The following ZNF836 variants were observed in gnomAD, a reference collection of about 807,000 sequenced individuals.
ZNF836 encodes zinc finger protein 836.
Under a neutral mutation model 7.4 loss-of-function variants are expected in ZNF836, and 12 were observed. That is an observed-to-expected ratio of 1.61 (90% CI 1.03 to 2.61). The LOEUF (loss-of-function observed/expected upper bound fraction) is 2.61, where lower values mean the gene tolerates loss of function less well. ZNF836 is among the 30% of genes most tolerant of loss of function. The probability of loss-of-function intolerance (pLI) is 0.00; values close to 1 mark genes in which losing one functional copy is unlikely to be tolerated. For synonymous variants in ZNF836, 365 were observed against 382.6 expected (o/e 0.95, Z 0.54); for missense variants, 998 against 1,126.2 (o/e 0.89, Z 1.63).
intron 3 of ZNF836, among the ~76,000 whole-genome samples, chr19:52,163,979 C>T (rs2089236977): frequency 6.8e-6 from 1 of 147,792 alleles, no homozygotes; most frequent in African/African-American, 2.5e-5. Context: ...TTCTACTGAA[C>T]TCCAGCCTGG....
In ZNF836 at chr19:52,156,730, G is replaced by C; in HGVS notation, c.953C>G (p.Ala318Gly). 1.2e-6 allele frequency: 2 copies of C among 1,606,482 alleles called. No individual in the cohort carries two copies. Among genetic ancestry groups the C allele is most frequent in the South Asian group, 1.1e-5 (1 of 90,396 alleles). The change falls in exon 5 of 5, where the codon GCA (alanine) becomes GGA (glycine). Residue 318 changes from alanine to glycine, a missense_variant. Ala to Gly is a moderately conservative substitution (Grantham distance 60). Transcript: ENST00000682614. ...TCCAGTGTGAATTCTCTGATGTATT[G>C]CAAGGTTATAACTTTGACTAAAGGA... ...GKSFSQSYNL[A>G]IHQRIHTGEK...
At position 52,157,033 on chromosome 19, in the gene ZNF836, G is replaced by T. The variant is rs1481010557; in HGVS notation, c.650C>A (p.Pro217His). 6.2e-7 allele frequency: 1 copy of T among 1,614,056 alleles called. No homozygotes were observed. Among genetic ancestry groups the T allele is most frequent in the African/African-American group, 1.3e-5 (1 of 75,028 alleles). Residue 217 changes from proline (P) to histidine (H), a missense_variant, in exon 5 of 5, where the codon CCT (proline) becomes CAT (histidine). Physicochemically the swap from Pro to His is moderately conservative, Grantham distance 77. Coordinates refer to ENST00000682614, the MANE Select transcript of ZNF836 (RefSeq NM_001102657.3). ...TTTGCCACACCCTTTACACATATAA[G>T]GTTTTTCCCTAATGTGTGTTTTCTC... ...QLEKTHIREK[P>H]YMCKGCGKAF...
chr19:52,162,887 G>GCCT (rs1386965506), intron 3 of ZNF836, among the ~76,000 whole-genome samples: 1 of 152,150 alleles, frequency 6.6e-6, no homozygotes, highest in African/African-American at 2.4e-5. Context: ...TGATCATATA[G>GCCT]CCTCCAGTGG....
At chr19:52,164,408 G>A (rs1057309686) in intron 3 of ZNF836, among the ~76,000 whole-genome samples, 4 of 131,272 alleles carry the variant, frequency 3.0e-5, no homozygotes, top group African/African-American at 1.2e-4. Flanking sequence ...AAAAAAAAGA[G>A]AAAGAAAGAG....
intron 4 of ZNF836, 37 bp from the exon 5 acceptor site, chr19:52,157,577 G>T (rs530740471): frequency 2.0e-4 from 236 of 1,182,004 alleles, no homozygotes; most frequent in African/African-American, 3.8e-4. Flanking sequence ...TTTTTCGTTG[G>T]TTTTTTTTTT....
In ZNF836 at chr19:52,156,483, G is replaced by A; in HGVS notation, c.1200C>T (p.Asn400=). The change falls in exon 5 of 5, where the codon AAC becomes AAT. Residue 400 remains asparagine (N), a synonymous_variant. Transcript: ENST00000682614. The stretch of plus-strand genomic sequence containing the variant: ...TATGAACTGTCTGATGAGTTGCCAG[G>A]TTGGAACTTTGACTAAAGGACTTTC... ...ICGKSFSQSS[N]LATHQTVHSG... 1 of 1,614,082 alleles carries A rather than the reference G, an allele frequency of 6.2e-7. No homozygotes were observed. The highest frequency in any genetic ancestry group is 8.5e-7 in the Non-Finnish European group (1 of 1,180,016).
In ZNF836 at chr19:52,157,386, C is replaced by G. The variant is rs145570001; in HGVS notation, c.297G>C (p.Glu99Asp). 3,393 of 1,608,812 alleles carry G rather than the reference C, an allele frequency of 2.1e-3. 32 individuals carry two copies. Among genetic ancestry groups the G allele is most frequent in the South Asian group, 0.015 (1,344 of 89,242 alleles). Residue 99 changes from glutamate to aspartate, a missense_variant, in exon 5 of 5, where the codon GAG becomes GAC. Glu to Asp is a conservative substitution (Grantham distance 45, BLOSUM62 2). Transcript: ENST00000682614. The part of the protein sequence containing the change: ...REIQKNLQDL[E>D]FQWKDGEINY... Reference sequence around the variant, plus strand: ...TTATTTCACCATCTTTCCATTGAAACTCAAGGTCCTGTAGATTTTTCTGGA... The same window carrying G: ...TTATTTCACCATCTTTCCATTGAAAGTCAAGGTCCTGTAGATTTTTCTGGA...
chr19:52,171,292 C>CA (rs2089305979), intron 1 of ZNF836, 44 bp downstream of exon 1: 1 of 152,400 alleles, frequency 6.6e-6, no homozygotes, highest in African/African-American at 2.4e-5. Context: ...GGAACAGCCT[C>CA]AGAGAGATTT....
Position 52,155,639 on chromosome 19 carries a change from T to C in ZNF836, c.2044A>G (p.Thr682Ala), listed in dbSNP as rs766029883. 6.2e-7 allele frequency: 1 copy of C among 1,613,820 alleles called. No homozygotes were observed. Among genetic ancestry groups the C allele is most frequent in the Non-Finnish European group, 8.5e-7 (1 of 1,179,970 alleles). ...GKAYTQRSSLTKHLIIHTGEK... is the reference protein window; with the variant it reads ...GKAYTQRSSLAKHLIIHTGEK... ...CCAGTATGAATTATCAGATGTTTAG[T>C]GAGGCTTGAACGCTGAGTATAGGCT... Residue 682 changes from threonine (T) to alanine (A), a missense_variant, in exon 5 of 5, where the codon ACT (threonine) becomes GCT (alanine). Physicochemically the swap from Thr to Ala is moderately conservative, Grantham distance 58. Transcript: ENST00000682614.
rs1464250234 is a variant in ZNF836, at chr19:52,160,542, C to T, written c.65G>A (p.Trp22Ter). The change falls in exon 4 of 5, where the codon TGG (tryptophan) becomes TAG (stop). Residue 22 changes from tryptophan (W) to a stop codon, truncating the protein, a stop_gained. Coordinates refer to ENST00000682614, the MANE Select transcript of ZNF836 (RefSeq NM_001102657.3). LOFTEE classifies it high-confidence loss of function. ...TTTCTGCACAGGGTCCAGGGATTTC[C>T]ACTCCTCCTGAGAGAATTCTATGGC... is the stretch of plus-strand genomic sequence containing the variant. ...DVAIEFSQEE[W>*]KSLDPVQKAL... 1.2e-6 allele frequency: 2 copies of T among 1,613,852 alleles called. No homozygotes were observed. The highest frequency in any genetic ancestry group is 1.3e-5 in the African/African-American group (1 of 74,910).
chr19:52,167,106 C>T (rs1046557263), intron 3 of ZNF836, among the ~76,000 whole-genome samples: 5 of 151,668 alleles, frequency 3.3e-5, no homozygotes, highest in African/African-American at 4.8e-5. Flanking sequence ...GCATGAACAC[C>T]GCAGTCTCTG....
At chr19:52,159,834 G>A (rs976185960) in intron 4 of ZNF836, among the ~76,000 whole-genome samples, 1 of 152,172 alleles carries the variant, frequency 6.6e-6, no homozygotes, top group Non-Finnish European at 1.5e-5. Flanking sequence ...TTGCAGAGCT[G>A]TGGGTATATA....
chr19:52,163,814 G>GTCT (rs143781127), intron 3 of ZNF836, among the ~76,000 whole-genome samples: 6,388 of 152,202 alleles, frequency 0.042, 191 homozygotes, highest in East Asian at 0.098. Flanking sequence ...CAGCACCAGA[G>GTCT]TCTTCAATAG....
chr19:52,158,039 T>G (rs2089182308), intron 4 of ZNF836, among the ~76,000 whole-genome samples: 1 of 152,166 alleles, frequency 6.6e-6, no homozygotes, highest in Admixed American at 6.5e-5. Context: ...GGAGTAGAAT[T>G]CTTCAGTAAA....
intron 3 of ZNF836, among the ~76,000 whole-genome samples, chr19:52,164,448 AAAAGG>A (rs2089243282): frequency 8.2e-6 from 1 of 122,418 alleles, no homozygotes; most frequent in Non-Finnish European, 1.8e-5. Context: ...AGAGAGAGAG[AAAAGG>A]AAGGAAGGAA....
chr19:52,162,289 C>T (rs902216245), intron 3 of ZNF836, among the ~76,000 whole-genome samples: 1 of 152,234 alleles, frequency 6.6e-6, no homozygotes, highest in Non-Finnish European at 1.5e-5. Context: ...GTTGGCCCCA[C>T]CTCCACAGCT....
chr19:52,165,610 G>A (rs2089255851), intron 3 of ZNF836, among the ~76,000 whole-genome samples: 1 of 152,190 alleles, frequency 6.6e-6, no homozygotes, highest in Non-Finnish European at 1.5e-5. Flanking sequence ...GGTGGATGAT[G>A]TGATAGGGAA....
At chr19:52,162,358 T>C (rs2089220090) in intron 3 of ZNF836, among the ~76,000 whole-genome samples, 1 of 152,232 alleles carries the variant, frequency 6.6e-6, no homozygotes, top group Non-Finnish European at 1.5e-5. Context: ...ATGGCATTTT[T>C]ATGCCTAGGC....
At chr19:52,167,242 C>T (rs1029541670) in intron 3 of ZNF836, among the ~76,000 whole-genome samples, 1 of 151,548 alleles carries the variant, frequency 6.6e-6, no homozygotes. Flanking sequence ...GAGGCCGAGG[C>T]GGGAGGATCA....
Sources: allele counts gnomAD v4.1 joint callset (sites outside exome capture counted in the v4.1 genomes callset), GRCh38; gene constraint gnomAD v4.1.1; transcripts MANE v1.5; gene names NCBI Gene and HGNC (gene_info 2026-07-23, HGNC 2026-07-21).